The following IL1RAPL1 variants were observed in gnomAD, a reference collection of about 807,000 sequenced individuals.
IL1RAPL1 encodes interleukin-1 receptor accessory protein-like 1.
IL1RAPL1 carries 3 observed loss-of-function variants against 48.4 expected under a neutral mutation model. The observed-to-expected ratio is 0.06, with a 90% CI of 0.03 to 0.16. The LOEUF (loss-of-function observed/expected upper bound fraction) is 0.16, where lower values mean the gene tolerates loss of function less well. Among genes scored for constraint, IL1RAPL1 ranks in the 10% least tolerant of loss-of-function variants. IL1RAPL1 has a pLI of 1.00. For synonymous variants in IL1RAPL1, 185 were observed against 187.7 expected, an observed-to-expected ratio of 0.99 and a Z score of 0.12; for missense variants, 349 against 530.6, an observed-to-expected ratio of 0.66 and a Z score of 3.36.
chrX:29,953,725 C>A (rs1306231341), intron 9 of IL1RAPL1, among the ~76,000 whole-genome samples: 5 of 111,659 alleles, frequency 4.5e-5, no homozygotes, highest in Non-Finnish European at 9.4e-5. Context: ...TTAATTCTCA[C>A]AAGTTTGGTT....
chrX:28,808,038 T>C (rs1259226983), intron 2 of IL1RAPL1, among the ~76,000 whole-genome samples: 6 of 110,872 alleles, frequency 5.4e-5, no homozygotes, highest in Non-Finnish European at 1.1e-4. Flanking sequence ...TCTTCCTCCT[T>C]CTTCTTTCTG....
At chrX:29,248,134 G>C (rs1326873439) in intron 2 of IL1RAPL1, among the ~76,000 whole-genome samples, 1 of 111,977 alleles carries the variant, frequency 8.9e-6, no homozygotes, top group Non-Finnish European at 1.9e-5. Flanking sequence ...AGAAAGTATT[G>C]GCTGGGCATG....
chrX:29,159,684 A>G (rs1197723455), intron 2 of IL1RAPL1, among the ~76,000 whole-genome samples: 1 of 111,772 alleles, frequency 8.9e-6, no homozygotes, highest in Non-Finnish European at 1.9e-5. Context: ...CCCTACATAA[A>G]TCTACTCTAG....
At chrX:28,832,439 C>A (rs983549639) in intron 2 of IL1RAPL1, among the ~76,000 whole-genome samples, 1 of 111,495 alleles carries the variant, frequency 9.0e-6, no homozygotes, top group East Asian at 2.8e-4. Flanking sequence ...CCCAAATTCT[C>A]TTTTCAGAAT....
At chrX:28,812,390 G>A (rs763521882) in intron 2 of IL1RAPL1, among the ~76,000 whole-genome samples, 1 of 110,299 alleles carries the variant, frequency 9.1e-6, no homozygotes, top group East Asian at 2.9e-4. Flanking sequence ...GTAATTTTGG[G>A]TAAATTTAAC....
At chrX:28,593,225 GGTGCCCAAACT>G (rs1443885386) in intron 1 of IL1RAPL1, among the ~76,000 whole-genome samples, 1 of 111,195 alleles carries the variant, frequency 9.0e-6, no homozygotes, top group African/African-American at 3.3e-5. Context: ...ACAATATTCA[GGTGCCCAAACT>G]CTAAAACTCC....
At chrX:29,350,188 ATT>A (rs1185266410) in intron 3 of IL1RAPL1, among the ~76,000 whole-genome samples, 2 of 32,449 alleles carry the variant, frequency 6.2e-5, no homozygotes, top group African/African-American at 4.4e-4. Context: ...ACATACTGTT[ATT>A]TTATATATAT....
At chrX:28,806,605 A>AT (rs1483947368) in intron 2 of IL1RAPL1, among the ~76,000 whole-genome samples, 2 of 111,101 alleles carry the variant, frequency 1.8e-5, no homozygotes, top group Non-Finnish European at 3.8e-5. Flanking sequence ...GGCCTACAAC[A>AT]TTGAGGGTGT....
chrX:29,244,785 T>C (rs979772063), intron 2 of IL1RAPL1, among the ~76,000 whole-genome samples: 13 of 112,266 alleles, frequency 1.2e-4, no homozygotes, highest in African/African-American at 3.9e-4. Flanking sequence ...CTCAAACCAC[T>C]AGAACTTTCA....
At chrX:29,260,449 C>G (rs1165525068) in intron 2 of IL1RAPL1, among the ~76,000 whole-genome samples, 1 of 112,126 alleles carries the variant, frequency 8.9e-6, no homozygotes, top group Admixed American at 9.5e-5. Flanking sequence ...CACAAAACAG[C>G]TTGTGCTGGG....
intron 5 of IL1RAPL1, among the ~76,000 whole-genome samples, chrX:29,462,169 A>T (rs1438524216): frequency 5.4e-5 from 6 of 111,552 alleles, no homozygotes; most frequent in African/African-American, 2.0e-4. Context: ...TTTTGCAGGC[A>T]TGCATATGTG....
intron 3 of IL1RAPL1, among the ~76,000 whole-genome samples, chrX:29,295,181 A>G (rs1375757744): frequency 8.9e-6 from 1 of 112,086 alleles, no homozygotes; most frequent in Non-Finnish European, 1.9e-5. Flanking sequence ...TCTGAGCTTC[A>G]TTGGATGTTG....
At chrX:28,895,540 A>G (rs1464165409) in intron 2 of IL1RAPL1, among the ~76,000 whole-genome samples, 4 of 110,389 alleles carry the variant, frequency 3.6e-5, no homozygotes, top group Admixed American at 9.6e-5. Flanking sequence ...GCGTGGCTGT[A>G]GTCCAGGAAC....
intron 6 of IL1RAPL1, among the ~76,000 whole-genome samples, chrX:29,758,464 A>G (rs1462091920): frequency 9.0e-6 from 1 of 111,199 alleles, no homozygotes; most frequent in Non-Finnish European, 1.9e-5. Flanking sequence ...AAGCTGAGGC[A>G]GGTGGATCAC....
chrX:28,910,362 A>G (rs1471182840), intron 2 of IL1RAPL1, among the ~76,000 whole-genome samples: 1 of 111,045 alleles, frequency 9.0e-6, no homozygotes, highest in Non-Finnish European at 1.9e-5. Flanking sequence ...AAATCTTAGG[A>G]TTCTGTGTCA....
intron 2 of IL1RAPL1, among the ~76,000 whole-genome samples, chrX:28,897,334 G>C (rs780486454): frequency 8.9e-6 from 1 of 111,736 alleles, no homozygotes; most frequent in Non-Finnish European, 1.9e-5. Flanking sequence ...TCAGGCAGGC[G>C]TCCCTGCGTG....
chrX:29,586,121 A>G (rs1318217295), intron 5 of IL1RAPL1, among the ~76,000 whole-genome samples: 1 of 111,896 alleles, frequency 8.9e-6, no homozygotes, highest in African/African-American at 3.2e-5. Flanking sequence ...AGCAATTGGT[A>G]AGATTAATGC....
At position 29,419,663 on chromosome X, in the gene IL1RAPL1, A is replaced by T. The variant is rs187253915; in HGVS notation, c.703+20355A>T. On this transcript the variant is annotated intron_variant, in intron 5 of 10. Transcript: ENST00000378993. ...AAATGTGTGCTTTTTTTGTTTGTTC[A>T]TAACATTCAGAGTTCTAGAGCATAA... is the stretch of plus-strand genomic sequence containing the variant. Among the ~76,000 whole-genome samples the T allele has an allele frequency of 4.0e-3, 447 of 112,448 alleles. 2 individuals carry two copies. Among genetic ancestry groups the T allele is most frequent in the African/African-American group, 0.014 (429 of 30,984 alleles).
rs995096704 is a variant in IL1RAPL1, at chrX:28,798,546, C to T, written c.82+9121C>T. ...ATCATGAATTTAATCAAATTGGAAA[C>T]GTACCTTTTGCCATGTAATATGACA... On this transcript the variant is annotated intron_variant, in intron 2 of 10. Coordinates refer to ENST00000378993, the MANE Select transcript of IL1RAPL1 (RefSeq NM_014271.4). 7.2e-5 allele frequency among the ~76,000 whole-genome samples: 8 copies of T among 111,739 alleles called. No homozygotes were observed. The South Asian group carries it at 1.1e-3, about 16-fold the overall frequency.
Sources: allele counts gnomAD v4.1 joint callset (sites outside exome capture counted in the v4.1 genomes callset), GRCh38; gene constraint gnomAD v4.1.1; transcripts MANE v1.5; gene names NCBI Gene and HGNC (gene_info 2026-07-23, HGNC 2026-07-21).